Variants in NBPF15 observed in about 807,000 individuals in gnomAD.
The protein encoded by NBPF15 is NBPF member 15, also known as NBPF family member NBPF15.
NBPF15 carries 74 observed loss-of-function variants against 62.2 expected under a neutral mutation model. That is an observed-to-expected ratio of 1.19 (90% CI 0.99 to 1.44). The LOEUF is 1.44. Ranked by LOEUF, NBPF15 falls within the 40% of genes most tolerant of loss-of-function variation. NBPF15 has a pLI of 0.00. For synonymous variants in NBPF15, 244 were observed against 209.7 expected (o/e 1.16, Z -1.41); for missense variants, 790 against 550.0 (o/e 1.44, Z -4.36).
rs1686901739 is a variant in NBPF15, at chr1:144,445,556, A to T, written c.-191+3219T>A. Among the ~76,000 whole-genome samples the T allele has an allele frequency of 2.0e-5, 3 of 149,448 alleles. No individual in the cohort carries two copies. In the South Asian group the frequency reaches 6.3e-4, roughly 31 times the overall value. ...AGAGTAATTCTGGAAATAGGTAGTG[A>T]ATTCATTCGCCATTATTCTTTTATA... is the stretch of plus-strand genomic sequence containing the variant. On this transcript the variant is annotated intron_variant, in intron 6 of 21. Coordinates refer to ENST00000581897, the MANE Select transcript of NBPF15 (RefSeq NM_001385408.1).
chr1:144,427,980 C>A lies in NBPF15; in HGVS notation c.1051G>T (p.Glu351Ter), dbSNP rs1448331775. Residue 351 changes from glutamate to a stop codon, truncating the protein, a stop_gained, in exon 16 of 22, where the codon GAG (glutamate) becomes TAG (stop). Coordinates refer to ENST00000581897, the MANE Select transcript of NBPF15 (RefSeq NM_001385408.1). LOFTEE classifies it high-confidence loss of function. ...TCAGGCTCTTTCTCATCCAGCAGCTCCCTGCTGAGCCTGGAAAAGTGGGAA... is the reference window on the plus strand; with the variant it reads ...TCAGGCTCTTTCTCATCCAGCAGCTACCTGCTGAGCCTGGAAAAGTGGGAA... ...QEATGPRLSRELLDEKEPEVL... is the reference protein window; with the variant it reads ...QEATGPRLSR The A allele has an allele frequency of 1.3e-6, 1 of 763,840 alleles. No individual in the cohort carries two copies. Among genetic ancestry groups the A allele is most frequent in the Non-Finnish European group, 2.4e-6 (1 of 412,378 alleles). 47.3% of individuals were successfully genotyped at this position (763,840 alleles called of 1,614,324 possible). A position where few individuals can be genotyped will look rare whatever the true frequency, so the allele number is the denominator to read the frequency against.
intron 6 of NBPF15, among the ~76,000 whole-genome samples, chr1:144,443,200 AC>A (rs1684856013): frequency 6.6e-6 from 1 of 151,850 alleles, no homozygotes; most frequent in Admixed American, 6.6e-5. Flanking sequence ...TGGCTGGAAA[AC>A]TTTTTTGTTT....
intron 4 of NBPF15, among the ~76,000 whole-genome samples, chr1:144,452,283 T>A (rs1268731675): frequency 6.6e-6 from 1 of 151,938 alleles, no homozygotes; most frequent in Non-Finnish European, 1.5e-5. Flanking sequence ...CAAGGTTTGG[T>A]AAAAAATACC....
chr1:144,423,681 G>A (rs1276473282), intron 21 of NBPF15, among the ~76,000 whole-genome samples, 189 bp downstream of exon 21: 4 of 151,948 alleles, frequency 2.6e-5, no homozygotes, highest in South Asian at 2.1e-4. Context: ...CCTATGGTAC[G>A]TTAGTAAATG....
intron 8 of NBPF15, among the ~76,000 whole-genome samples, chr1:144,439,107 C>T (rs1680928973): frequency 6.6e-6 from 1 of 151,866 alleles, no homozygotes. Context: ...CCTCAGCCTC[C>T]TAGGCAGGGG....
intron 4 of NBPF15, among the ~76,000 whole-genome samples, chr1:144,451,325 G>A (rs1338312093): frequency 5.3e-5 from 8 of 151,346 alleles, no homozygotes; most frequent in African/African-American, 9.7e-5. Flanking sequence ...ATATACAATC[G>A]GGCTTTACAC....
At chr1:144,451,563 C>T (rs1168360849) in intron 4 of NBPF15, among the ~76,000 whole-genome samples, 5 of 151,938 alleles carry the variant, frequency 3.3e-5, no homozygotes, top group Non-Finnish European at 7.4e-5. Flanking sequence ...GAGGTCCCTG[C>T]AGTCTTCCGC....
At chr1:144,442,065 C>T (rs1201785409) in intron 6 of NBPF15, among the ~76,000 whole-genome samples, 2 of 134,376 alleles carry the variant, frequency 1.5e-5, no homozygotes, top group African/African-American at 2.8e-5. Context: ...ATGTAAGTGA[C>T]GAGTTAATGG....
chr1:144,440,298 G>T lies in NBPF15; in HGVS notation c.-190-3C>A, dbSNP rs1405312175. The T allele has an allele frequency of 2.3e-5, 32 of 1,403,260 alleles. No homozygotes were observed. Among genetic ancestry groups the T allele is most frequent in the Non-Finnish European group, 2.9e-5 (30 of 1,049,660 alleles). The allele number at this position is 1,403,260 out of a possible 1,614,324, so 86.9% of individuals were successfully genotyped here. On this transcript the variant is annotated splice_region_variant and splice_polypyrimidine_tract_variant and intron_variant, in intron 6 of 21. Coordinates refer to ENST00000581897, the MANE Select transcript of NBPF15 (RefSeq NM_001385408.1). ...TGGCCAGCGTGCCAGGTAACCGTCTGCAGTTGCAATAACAGAATTAGAAGG... is the reference window on the plus strand; with the variant it reads ...TGGCCAGCGTGCCAGGTAACCGTCTTCAGTTGCAATAACAGAATTAGAAGG...
At chr1:144,439,469 G>A (rs1681224485) in intron 8 of NBPF15, among the ~76,000 whole-genome samples, 2 of 151,976 alleles carry the variant, frequency 1.3e-5, no homozygotes, top group South Asian at 2.1e-4. Context: ...ACTAGTCTCA[G>A]ACATTTAGAA....
chr1:144,446,408 T>C (rs1228756333), intron 6 of NBPF15, among the ~76,000 whole-genome samples: 1 of 152,300 alleles, frequency 6.6e-6, no homozygotes, highest in Non-Finnish European at 1.5e-5. Flanking sequence ...TTCAATACTT[T>C]ATTAATTTTT....
chr1:144,438,544 G>A (rs1680396458), intron 8 of NBPF15, among the ~76,000 whole-genome samples: 1 of 151,966 alleles, frequency 6.6e-6, no homozygotes, highest in Non-Finnish European at 1.5e-5. Context: ...ATGATTTTAA[G>A]AATCATATCT....
At chr1:144,453,638 CAAAAAAAAAAA>C (rs200525708) in intron 4 of NBPF15, among the ~76,000 whole-genome samples, 11 of 36,398 alleles carry the variant, frequency 3.0e-4, no homozygotes, top group Non-Finnish European at 7.0e-4. Context: ...CAACACAAAG[CAAAAAAAAAAA>C]AAAAAAAAAA....
rs74649888 is a variant in NBPF15, at chr1:144,423,247, G to T, written c.1779C>A (p.Gly593=). The T allele has an allele frequency of 6.2e-6, 10 of 1,611,206 alleles. No homozygotes were observed. The highest frequency in any genetic ancestry group is 6.8e-6 in the Non-Finnish European group (8 of 1,179,570). ...CAGGCTCTTCCACTTCCATCAGCACGCCGTAGAGCCTGGAAAAGGAGACAA... is the reference window on the plus strand; with the variant it reads ...CAGGCTCTTCCACTTCCATCAGCACTCCGTAGAGCCTGGAAAAGGAGACAA... The part of the protein sequence containing the change: ...DDNPPCPRLY[G]VLMEVEEPEV... The change falls in exon 22 of 22, where the codon GGC becomes GGA. Residue 593 remains glycine, a synonymous_variant. Coordinates refer to ENST00000581897, the MANE Select transcript of NBPF15 (RefSeq NM_001385408.1).
rs1553538456 is a variant in NBPF15 at position 144,422,912 on chromosome 1, T to C, written c.*101A>G. 3.1e-6 allele frequency: 5 copies of C among 1,610,168 alleles called. No individual in the cohort carries two copies. In the East Asian group the frequency reaches 8.9e-5, roughly 29 times the overall value. Reference sequence around the variant, plus strand: ...TAGAGCCATGCTCACTGACCCATCCTATGTCTGGGCTTCCAAATGGAACTG... The same window carrying C: ...TAGAGCCATGCTCACTGACCCATCCCATGTCTGGGCTTCCAAATGGAACTG... On this transcript the variant is annotated 3_prime_UTR_variant, in exon 22 of 22. Coordinates refer to ENST00000581897, the MANE Select transcript of NBPF15 (RefSeq NM_001385408.1).
chr1:144,455,825 G>A (rs689344), intron 4 of NBPF15, among the ~76,000 whole-genome samples: 13 of 151,826 alleles, frequency 8.6e-5, no homozygotes, highest in Admixed American at 2.0e-4. Context: ...AGATTTACTC[G>A]TTATGGGGTC....
rs1652982924 is a variant in NBPF15 at position 144,461,379 on chromosome 1, ACCGC to A, written c.-940_-938+1del. The A allele has an allele frequency of 1.3e-5, 2 of 149,156 alleles. No homozygotes were observed. Among genetic ancestry groups the A allele is most frequent in the African/African-American group, 5.0e-5 (2 of 40,064 alleles). 9.2% of individuals were successfully genotyped at this position (149,156 alleles called of 1,614,324 possible). A position where few individuals can be genotyped will look rare whatever the true frequency, so the allele number is the denominator to read the frequency against. On this transcript the variant is annotated splice_donor_variant and 5_prime_UTR_variant, in exon 1 of 22. Coordinates refer to ENST00000581897, the MANE Select transcript of NBPF15 (RefSeq NM_001385408.1). LOFTEE classifies it low-confidence loss of function (5UTR_SPLICE). Reference sequence around the variant, plus strand: ...CTGTGTACCCGCGGGTCCCGGACTCACCGCCCGCCCGGCCTGGCGCGGCGCCTTC... The same window carrying A: ...CTGTGTACCCGCGGGTCCCGGACTCACCGCCCGGCCTGGCGCGGCGCCTTC...
chr1:144,444,602 G>A (rs1360323799), intron 6 of NBPF15, among the ~76,000 whole-genome samples: 2 of 151,872 alleles, frequency 1.3e-5, no homozygotes, highest in Non-Finnish European at 2.9e-5. Context: ...CTCAGACTTA[G>A]TTATAGATTA....
chr1:144,454,676 C>T (rs1342589745), intron 4 of NBPF15, among the ~76,000 whole-genome samples: 1 of 145,038 alleles, frequency 6.9e-6, no homozygotes, highest in East Asian at 2.0e-4. Flanking sequence ...ATTTCAATGC[C>T]TGTGCCATTT....
Sources: gnomAD v4.1 joint callset for allele counts (sites outside exome capture counted in the v4.1 genomes callset) on GRCh38, gnomAD v4.1.1 for gene constraint, MANE v1.5 for transcripts, NCBI Gene and HGNC (gene_info 2026-07-23, HGNC 2026-07-21) for gene names.